The following MYEF2 variants were observed in gnomAD, a reference collection of about 807,000 sequenced individuals.
The protein encoded by MYEF2 is myelin gene expression factor 2.
In MYEF2, 37 loss-of-function variants were observed where a neutral mutation model predicts 75.2. The ratio of observed to expected loss-of-function variants is 0.49; its 90% CI spans 0.38 to 0.65. The LOEUF (loss-of-function observed/expected upper bound fraction) is 0.65. Among genes scored for constraint, MYEF2 ranks in the 30% least tolerant of loss-of-function variants. The pLI, the probability that MYEF2 is intolerant of heterozygous loss-of-function variation, is 0.00. For missense variants in MYEF2, 634 were observed against 771.4 expected, an observed-to-expected ratio of 0.82 and a Z score of 2.11; for synonymous variants, 195 against 241.6, an observed-to-expected ratio of 0.81 and a Z score of 1.79.
At position 48,142,952 on chromosome 15, in the gene MYEF2, T is replaced by C; in HGVS notation, c.1759A>G (p.Ile587Val). ...KACRIMNGIK[I>V]SGREIDVRLD... ...CGAACATCAATTTCTCTGCCACTGA[T>C]TTTTATGCCATTCATTATTCTGCAG... The change falls in exon 17 of 17, where the codon ATC (isoleucine) becomes GTC (valine). Residue 587 changes from isoleucine (I) to valine (V), a missense_variant. Ile to Val is a conservative substitution (Grantham distance 29). Coordinates refer to ENST00000324324, the MANE Select transcript of MYEF2 (RefSeq NM_016132.5). The C allele has an allele frequency of 6.2e-7, 1 of 1,601,724 alleles. No homozygotes were observed. The highest frequency in any genetic ancestry group is 1.1e-5 in the South Asian group (1 of 89,182).
At chr15:48,145,512 A>C (rs1470555025) in intron 16 of MYEF2, among the ~76,000 whole-genome samples, 1 of 151,876 alleles carries the variant, frequency 6.6e-6, no homozygotes, top group Non-Finnish European at 1.5e-5. Context: ...GCCATGAGAA[A>C]TCAGTATCAC....
Position 48,134,819 on chromosome 15 carries a change from T to C in MYEF2, c.*8089A>G. ...TACAAATATATAAACAATTTTAGTA[T>C]TATACTAAGGATTGTACTTGAAGAA... On this transcript the variant is annotated 3_prime_UTR_variant, in exon 17 of 17. Transcript: ENST00000324324. The C allele has an allele frequency of 8.2e-7, 1 of 1,215,112 alleles. No homozygotes were observed. Among genetic ancestry groups the C allele is most frequent in the Non-Finnish European group, 1.2e-6 (1 of 844,256 alleles). The allele number at this position is 1,215,112 out of a possible 1,614,324, so 75.3% of individuals were successfully genotyped here.
At chr15:48,167,026 AT>A (rs1354793803) in intron 3 of MYEF2, among the ~76,000 whole-genome samples, 1 of 152,026 alleles carries the variant, frequency 6.6e-6, no homozygotes, top group Non-Finnish European at 1.5e-5. Flanking sequence ...AATATTATCA[AT>A]TCAGTGACTT....
Position 48,139,521 on chromosome 15 carries a change from TAA to T in MYEF2, c.*3385_*3386del, listed in dbSNP as rs397960204. 17 of 144,138 alleles carry T rather than the reference TAA, an allele frequency of 1.2e-4. No individual in the cohort carries two copies. Among genetic ancestry groups the T allele is most frequent in the East Asian group, 3.8e-4 (2 of 5,230 alleles). The allele number at this position is 144,138 out of a possible 1,614,324, so 8.9% of individuals were successfully genotyped here. A position where few individuals can be genotyped will look rare whatever the true frequency, so the allele number is the denominator to read the frequency against. On this transcript the variant is annotated 3_prime_UTR_variant, in exon 17 of 17. Transcript: ENST00000324324. Reference sequence around the variant, plus strand: ...CTTTATATTGAATTCCATTCCATAATAAAAAAAAAAAAGAACAAAAAAACAAA... The same window carrying T: ...CTTTATATTGAATTCCATTCCATAATAAAAAAAAAAGAACAAAAAAACAAA...
rs376872790 is a variant in MYEF2, at chr15:48,153,942, C to A, written c.986-49G>T. On this transcript the variant is annotated intron_variant, in intron 9 of 16. Coordinates refer to ENST00000324324, the MANE Select transcript of MYEF2 (RefSeq NM_016132.5). ...ATTACAAAGATCCATATATGATTAA[C>A]TAATTGGCAATAAAATTTTTTAAAA... The A allele has an allele frequency of 1.3e-5, 19 of 1,490,252 alleles. No homozygotes were observed. In the African/African-American group the frequency reaches 1.8e-4, roughly 14 times the overall value. 92.3% of individuals were successfully genotyped at this position (1,490,252 alleles called of 1,614,324 possible). A position where few individuals can be genotyped will look rare whatever the true frequency, so the allele number is the denominator to read the frequency against.
Position 48,142,565 on chromosome 15 carries a change from A to G in MYEF2, c.*343T>C. 1 of 479,324 alleles carries G rather than the reference A, an allele frequency of 2.1e-6. No homozygotes were observed. Among genetic ancestry groups the G allele is most frequent in the Non-Finnish European group, 3.6e-6 (1 of 280,056 alleles). The allele number at this position is 479,324 out of a possible 1,614,324, so 29.7% of individuals were successfully genotyped here. A position where few individuals can be genotyped will look rare whatever the true frequency, so the allele number is the denominator to read the frequency against. On this transcript the variant is annotated 3_prime_UTR_variant, in exon 17 of 17. Transcript: ENST00000324324. ...ATAAAACAGAAGTTTGGGGGGAAAA[A>G]ATCTATGTTTTACCATACAATAAGT...
chr15:48,155,683 T>C (rs563435351), intron 9 of MYEF2, among the ~76,000 whole-genome samples: 1 of 139,316 alleles, frequency 7.2e-6, no homozygotes, highest in South Asian at 2.3e-4. Context: ...AATGAAAAAG[T>C]ACAAAGGAAA....
rs1467900909 is a variant in MYEF2, at chr15:48,167,406, A to G, written c.371-5T>C. 6 of 1,612,776 alleles carry G rather than the reference A, an allele frequency of 3.7e-6. No individual in the cohort carries two copies. The highest frequency in any genetic ancestry group is 1.1e-5 in the South Asian group (1 of 91,002). On this transcript the variant is annotated splice_region_variant and splice_polypyrimidine_tract_variant and intron_variant, in intron 2 of 16. Coordinates refer to ENST00000324324, the MANE Select transcript of MYEF2 (RefSeq NM_016132.5). ...CCACGTATGTAACCTCACCAACTAC[A>G]TAAGACATACAAAAGGAAGATACCA...
Position 48,139,346 on chromosome 15 carries a change from G to T in MYEF2, c.*3562C>A. 1 of 544,406 alleles carries T rather than the reference G, an allele frequency of 1.8e-6. No homozygotes were observed. The highest frequency in any genetic ancestry group is 3.3e-6 in the Non-Finnish European group (1 of 307,322). 33.7% of individuals were successfully genotyped at this position (544,406 alleles called of 1,614,324 possible). On this transcript the variant is annotated 3_prime_UTR_variant, in exon 17 of 17. Transcript: ENST00000324324. ...TACTATAACAAGATCACTGGAGTTT[G>T]TGAGTTGCATATTATATATAAACTG... is the stretch of plus-strand genomic sequence containing the variant.
chr15:48,143,035 C>T lies in MYEF2; in HGVS notation c.1676G>A (p.Gly559Glu). The T allele has an allele frequency of 6.3e-7, 1 of 1,575,204 alleles. No individual in the cohort carries two copies. The highest frequency in any genetic ancestry group is 8.6e-7 in the Non-Finnish European group (1 of 1,164,230). ...GACTGTTCCACAGCCTTTTGACTTT[C>T]CATTCTCCATTTTTATTTCTGCAAA... ...VMFAEIKMEN[G>E]KSKGCGTVRF... The change falls in exon 17 of 17, where the codon GGA becomes GAA. Residue 559 changes from glycine (G) to glutamate (E), a missense_variant. Physicochemically the swap from Gly to Glu is moderately conservative, Grantham distance 98. Transcript: ENST00000324324.
chr15:48,138,672 C>T lies in MYEF2; in HGVS notation c.*4236G>A, dbSNP rs2038962738. 3.8e-6 allele frequency: 1 copy of T among 260,110 alleles called. No homozygotes were observed. The highest frequency in any genetic ancestry group is 2.2e-5 in the African/African-American group (1 of 45,552). 16.1% of individuals were successfully genotyped at this position (260,110 alleles called of 1,614,324 possible). On this transcript the variant is annotated 3_prime_UTR_variant, in exon 17 of 17. Transcript: ENST00000324324. ...ACTGAAGACAATCCACAGGAGATGT[C>T]CAATTGACACTTCATAAACACTATC...
chr15:48,157,850 A>G, intron 9 of MYEF2, 143 bp downstream of exon 9: 3 of 1,415,036 alleles, frequency 2.1e-6, no homozygotes, highest in Non-Finnish European at 2.8e-6. Context: ...CCTAATCAAT[A>G]GCGCCAAACT....
rs1158235340 is a variant in MYEF2, at chr15:48,168,678, G to A, written c.323C>T (p.Pro108Leu). The A allele has an allele frequency of 6.2e-7, 1 of 1,613,682 alleles. No homozygotes were observed. The highest frequency in any genetic ancestry group is 1.7e-5 in the Admixed American group (1 of 59,990). The stretch of plus-strand genomic sequence containing the variant: ...AATAGCTTGCCATTTCATGTCATAT[G>A]GGATGTTGCTAATGAAAACTCTGTT... The part of the protein sequence containing the change: ...NRNRVFISNI[P>L]YDMKWQAIKD... The change falls in exon 2 of 17, where the codon CCA (proline) becomes CTA (leucine). Residue 108 changes from proline (P) to leucine (L), a missense_variant. Physicochemically the swap from Pro to Leu is moderately conservative, Grantham distance 98. Coordinates refer to ENST00000324324, the MANE Select transcript of MYEF2 (RefSeq NM_016132.5).
In MYEF2 at chr15:48,140,540, T is replaced by G. The variant is rs1177365458; in HGVS notation, c.*2368A>C. Reference sequence around the variant, plus strand: ...ACATCAAATTTAACAGAAGTATTAATAAATTGGGACCATATGTTAGACTCA... The same window carrying G: ...ACATCAAATTTAACAGAAGTATTAAGAAATTGGGACCATATGTTAGACTCA... On this transcript the variant is annotated 3_prime_UTR_variant, in exon 17 of 17. Transcript: ENST00000324324. The G allele has an allele frequency of 6.6e-6, 1 of 152,184 alleles. No individual in the cohort carries two copies. Among genetic ancestry groups the G allele is most frequent in the Non-Finnish European group, 1.5e-5 (1 of 68,030 alleles). The allele number at this position is 152,184 out of a possible 1,614,324, so 9.4% of individuals were successfully genotyped here.
rs534123627 is a variant in MYEF2 at position 48,178,165 on chromosome 15, G to A, written c.73C>T (p.Pro25Ser). 1.6e-4 allele frequency: 255 copies of A among 1,552,184 alleles called. 4 individuals carry two copies. In the South Asian group the frequency reaches 2.8e-3, roughly 17 times the overall value. The change falls in exon 1 of 17, where the codon CCG (proline) becomes TCG (serine). Residue 25 changes from proline to serine, a missense_variant. Physicochemically the swap from Pro to Ser is moderately conservative, Grantham distance 74. Coordinates refer to ENST00000324324, the MANE Select transcript of MYEF2 (RefSeq NM_016132.5). ...GGCTCTCGCCGCGGCTCGCCCGGCGGCTCTGCGGGCTGCAGGTGCGGGCTG... is the reference window on the plus strand; with the variant it reads ...GGCTCTCGCCGCGGCTCGCCCGGCGACTCTGCGGGCTGCAGGTGCGGGCTG... ...GDSPHLQPAE[P>S]PGEPRREPHP...
intron 16 of MYEF2, among the ~76,000 whole-genome samples, chr15:48,147,315 A>C (rs564165054): frequency 1.1e-4 from 16 of 152,128 alleles, no homozygotes; most frequent in South Asian, 8.3e-4. Flanking sequence ...AGCAGCCTAC[A>C]AAGAATAAAG....
At chr15:48,160,170 T>C (rs1481236940) in intron 5 of MYEF2, among the ~76,000 whole-genome samples, 3 of 152,286 alleles carry the variant, frequency 2.0e-5, no homozygotes, top group African/African-American at 4.8e-5. Flanking sequence ...TTTCTCACTA[T>C]TGGATGCCCA....
intron 1 of MYEF2, among the ~76,000 whole-genome samples, chr15:48,177,788 C>T (rs1173732645): frequency 6.6e-6 from 1 of 152,176 alleles, no homozygotes; most frequent in Non-Finnish European, 1.5e-5. Context: ...ATTCTTTAAC[C>T]AAAGTCAGGG....
intron 16 of MYEF2, among the ~76,000 whole-genome samples, chr15:48,146,081 G>C (rs1265863814): frequency 6.6e-6 from 1 of 151,824 alleles, no homozygotes; most frequent in Non-Finnish European, 1.5e-5. Flanking sequence ...ACTGAGAATG[G>C]GTTTTCCTTG....
Sources: gnomAD v4.1 joint callset for allele counts (sites outside exome capture counted in the v4.1 genomes callset) on GRCh38, gnomAD v4.1.1 for gene constraint, MANE v1.5 for transcripts, NCBI Gene and HGNC (gene_info 2026-07-23, HGNC 2026-07-21) for gene names.